PATJ: variants seen among roughly 807,000 people sequenced by gnomAD.
PATJ encodes the protein PATJ crumbs cell polarity complex component.
PATJ carries 190 observed loss-of-function variants against 224.9 expected under a neutral mutation model. That is an observed-to-expected ratio of 0.84 (90% CI 0.75 to 0.95). The LOEUF is 0.95. Ranked by LOEUF, PATJ falls within the 40% of genes least tolerant of loss-of-function variation. The pLI is 0.00. For missense variants in PATJ, 2,121 were observed against 2,270.3 expected, an observed-to-expected ratio of 0.93 and a Z score of 1.34; for synonymous variants, 769 against 820.3, an observed-to-expected ratio of 0.94 and a Z score of 1.07.
intron 41 of PATJ, among the ~76,000 whole-genome samples, chr1:62,133,307 C>CA (rs1666455388): frequency 6.6e-6 from 1 of 152,060 alleles, no homozygotes; most frequent in Non-Finnish European, 1.5e-5. Context: ...TATGGCCAGG[C>CA]GTGGTGGCTC....
intron 3 of PATJ, among the ~76,000 whole-genome samples, chr1:61,763,902 C>A (rs1031200191): frequency 6.6e-6 from 1 of 152,160 alleles, no homozygotes; most frequent in African/African-American, 2.4e-5. Context: ...AAGCAGTCCT[C>A]CTACCTCAGC....
At chr1:61,885,714 A>T (rs1369796352) in intron 22 of PATJ, among the ~76,000 whole-genome samples, 1 of 152,046 alleles carries the variant, frequency 6.6e-6, no homozygotes, top group Non-Finnish European at 1.5e-5. Flanking sequence ...GCTGCTATAA[A>T]GACACATGCA....
chr1:61,871,567 T>A (rs1486394294), intron 20 of PATJ, among the ~76,000 whole-genome samples: 183 of 85,326 alleles, frequency 2.1e-3, no homozygotes, highest in East Asian at 0.02. Flanking sequence ...ATTTTTTTTT[T>A]TTTTTTTTTT....
rs543204023 is a variant in PATJ at position 61,851,655 on chromosome 1, AC to A, written c.2113-4373del. On this transcript the variant is annotated intron_variant, in intron 17 of 43. Coordinates refer to ENST00000642238, the MANE Select transcript of PATJ (RefSeq NM_001350145.3). The stretch of plus-strand genomic sequence containing the variant: ...TGTAAGCAGAGGAGGAATTATGATC[AC>A]CTTTTTATTTTTAAAGATGGTTCTA... Among the ~76,000 whole-genome samples the A allele has an allele frequency of 1.6e-3, 249 of 152,158 alleles. 1 individual carries two copies. Among genetic ancestry groups the A allele is most frequent in the African/African-American group, 5.3e-3 (222 of 41,504 alleles).
chr1:61,769,261 T>G (rs370210247), intron 4 of PATJ, 22 bp from the exon 5 acceptor site: 1 of 1,595,228 alleles, frequency 6.3e-7, no homozygotes. Flanking sequence ...ATTGACTTTT[T>G]TTTTTAACGC....
chr1:62,052,745 CAAA>C (rs1264623283), intron 31 of PATJ, among the ~76,000 whole-genome samples: 1 of 123,150 alleles, frequency 8.1e-6, no homozygotes. Context: ...ACCTCCGTCT[CAAA>C]AAAAAAAAAG....
intron 34 of PATJ, 48 bp from the exon 35 acceptor site, chr1:62,114,005 A>G: frequency 6.4e-7 from 1 of 1,567,454 alleles, no homozygotes; most frequent in South Asian, 1.1e-5. Context: ...CAGAGAAGGC[A>G]GAGACCTCTG....
At chr1:61,947,835 C>G (rs1351210514) in intron 27 of PATJ, among the ~76,000 whole-genome samples, 1 of 152,138 alleles carries the variant, frequency 6.6e-6, no homozygotes, top group African/African-American at 2.4e-5. Context: ...CTACAGTAAC[C>G]AAAACAGAAT....
intron 31 of PATJ, among the ~76,000 whole-genome samples, chr1:62,075,750 C>G (rs894194864): frequency 6.6e-6 from 1 of 151,954 alleles, no homozygotes; most frequent in African/African-American, 2.4e-5. Context: ...AACCCCGTCT[C>G]TACTAAAAAT....
intron 17 of PATJ, among the ~76,000 whole-genome samples, chr1:61,844,401 T>C (rs1173911986): frequency 6.6e-6 from 1 of 152,258 alleles, no homozygotes; most frequent in Non-Finnish European, 1.5e-5. Context: ...TTCTGATTTT[T>C]TATTTGGAAA....
chr1:62,107,258 A>G (rs1663193105), intron 33 of PATJ, among the ~76,000 whole-genome samples: 1 of 151,236 alleles, frequency 6.6e-6, no homozygotes, highest in African/African-American at 2.4e-5. Flanking sequence ...GTGAGCCAAG[A>G]TGGCACCACT....
At chr1:62,107,954 C>T (rs1204054695) in intron 33 of PATJ, among the ~76,000 whole-genome samples, 2 of 152,238 alleles carry the variant, frequency 1.3e-5, no homozygotes, top group African/African-American at 4.8e-5. Flanking sequence ...TGCTGTTTCC[C>T]CTGCTCCTGT....
At chr1:61,991,933 G>C (rs1558005147) in intron 28 of PATJ, among the ~76,000 whole-genome samples, 1 of 152,034 alleles carries the variant, frequency 6.6e-6, no homozygotes, top group Non-Finnish European at 1.5e-5. Context: ...ATTTGTATTC[G>C]GTATTCTTAA....
intron 31 of PATJ, among the ~76,000 whole-genome samples, chr1:62,075,599 T>C (rs1378128100): frequency 6.6e-6 from 1 of 152,148 alleles, no homozygotes; most frequent in Non-Finnish European, 1.5e-5. Context: ...GAGGGCCTGA[T>C]GAAGTGTAAA....
At chr1:61,839,384 G>T (rs1378457513) in intron 17 of PATJ, among the ~76,000 whole-genome samples, 4 of 151,984 alleles carry the variant, frequency 2.6e-5, no homozygotes, top group African/African-American at 9.7e-5. Context: ...TATGCATTGT[G>T]TAAGAGCTAG....
intron 30 of PATJ, among the ~76,000 whole-genome samples, chr1:62,043,733 G>GC (rs1486227683): frequency 6.6e-6 from 1 of 151,240 alleles, no homozygotes; most frequent in Non-Finnish European, 1.5e-5. Context: ...GTTTGGGGGG[G>GC]GCAGTTATTT....
At chr1:62,051,169 T>G (rs567807411) in intron 31 of PATJ, 111 bp downstream of exon 31, 1 of 783,674 alleles carries the variant, frequency 1.3e-6, no homozygotes, top group African/African-American at 1.7e-5. Flanking sequence ...TCAGGAATCT[T>G]CGTCTGTGAG....
At chr1:61,861,008 A>G (rs1664450372) in intron 18 of PATJ, among the ~76,000 whole-genome samples, 1 of 151,500 alleles carries the variant, frequency 6.6e-6, no homozygotes, top group Non-Finnish European at 1.5e-5. Flanking sequence ...TAGAGTATAT[A>G]TTAATGTATT....
intron 33 of PATJ, among the ~76,000 whole-genome samples, chr1:62,088,591 T>A (rs1189477692): frequency 6.6e-6 from 1 of 152,136 alleles, no homozygotes; most frequent in Non-Finnish European, 1.5e-5. Flanking sequence ...CTCAGTCTAT[T>A]TCCTGCTCTA....
Sources: gnomAD v4.1 joint callset for allele counts (sites outside exome capture counted in the v4.1 genomes callset) on GRCh38, gnomAD v4.1.1 for gene constraint, MANE v1.5 for transcripts, NCBI Gene and HGNC (gene_info 2026-07-23, HGNC 2026-07-21) for gene names.